The following CLIC4 variants were observed in gnomAD, a reference collection of about 807,000 sequenced individuals.
CLIC4 encodes the protein CLIC family member 4.
CLIC4 carries 13 observed loss-of-function variants against 24.6 expected under a neutral mutation model. The observed-to-expected ratio is 0.53, with a 90% CI of 0.34 to 0.84. The LOEUF (loss-of-function observed/expected upper bound fraction) is 0.84. Among genes scored for constraint, CLIC4 ranks in the 40% least tolerant of loss-of-function variants. The probability of loss-of-function intolerance (pLI) is 0.01; values close to 1 mark genes in which losing one functional copy is unlikely to be tolerated. For synonymous variants in CLIC4, 104 were observed against 111.3 expected, an observed-to-expected ratio of 0.93 and a Z score of 0.41; for missense variants, 227 against 301.7, an observed-to-expected ratio of 0.75 and a Z score of 1.83.
At chr1:24,766,065 G>A (rs990050687) in intron 1 of CLIC4, among the ~76,000 whole-genome samples, 3 of 151,440 alleles carry the variant, frequency 2.0e-5, no homozygotes, top group African/African-American at 4.9e-5. Flanking sequence ...GTGCAGTGGC[G>A]CGATCTCAGC....
chr1:24,830,466 T>TC (rs747786819), intron 4 of CLIC4, among the ~76,000 whole-genome samples: 5 of 152,120 alleles, frequency 3.3e-5, no homozygotes, highest in Non-Finnish European at 7.4e-5. Flanking sequence ...TTTTTTTTTT[T>TC]CTTCACTATA....
chr1:24,840,578 C>G (rs888644365), intron 5 of CLIC4, among the ~76,000 whole-genome samples, 195 bp from the exon 6 acceptor site: 2 of 152,198 alleles, frequency 1.3e-5, no homozygotes, highest in Non-Finnish European at 2.9e-5. Flanking sequence ...TGTCACACTT[C>G]TAAATCCCTG....
chr1:24,786,167 C>T (rs1468040887), intron 1 of CLIC4, among the ~76,000 whole-genome samples: 2 of 152,158 alleles, frequency 1.3e-5, no homozygotes, highest in Non-Finnish European at 2.9e-5. Flanking sequence ...CTCTCTTCCC[C>T]TAGTCATCAC....
chr1:24,828,388 G>A (rs554889249), intron 4 of CLIC4, among the ~76,000 whole-genome samples: 3 of 151,804 alleles, frequency 2.0e-5, no homozygotes, highest in Admixed American at 6.6e-5. Context: ...CCTGACTAAT[G>A]TTTCTGTCTA....
chr1:24,798,472 A>G (rs1249672499), intron 2 of CLIC4, among the ~76,000 whole-genome samples: 3 of 152,288 alleles, frequency 2.0e-5, no homozygotes, highest in South Asian at 2.1e-4. Flanking sequence ...CTTATTTTCC[A>G]TAGTGGAGAG....
chr1:24,751,749 G>A (rs998739166), intron 1 of CLIC4, among the ~76,000 whole-genome samples: 18 of 152,122 alleles, frequency 1.2e-4, no homozygotes, highest in East Asian at 5.8e-4. Context: ...CTGTAATCCC[G>A]GCTACTCGGG....
rs1017897100 is a variant in CLIC4 at position 24,758,830 on chromosome 1, C to T, written c.72+13205C>T. On this transcript the variant is annotated intron_variant, in intron 1 of 5. Coordinates refer to ENST00000374379, the MANE Select transcript of CLIC4 (RefSeq NM_013943.3). The stretch of plus-strand genomic sequence containing the variant: ...TTTTATTTTTATTTTTTTATTTTTG[C>T]TTGCATGAATTATTGAGAATTTATA... 4.6e-5 allele frequency among the ~76,000 whole-genome samples: 7 copies of T among 151,344 alleles called. No homozygotes were observed. In the East Asian group the frequency reaches 7.8e-4, roughly 17 times the overall value.
chr1:24,805,101 AAAAAC>A (rs935769492), intron 2 of CLIC4, among the ~76,000 whole-genome samples: 9 of 144,620 alleles, frequency 6.2e-5, no homozygotes, highest in South Asian at 2.3e-4. Flanking sequence ...AAAAAAAAAA[AAAAAC>A]ACAAAAACAA....
At chr1:24,766,319 A>T (rs1638995123) in intron 1 of CLIC4, among the ~76,000 whole-genome samples, 1 of 151,128 alleles carries the variant, frequency 6.6e-6, no homozygotes, top group Admixed American at 6.6e-5. Flanking sequence ...TTTAATAGAG[A>T]CAGGGTTTCA....
intron 2 of CLIC4, among the ~76,000 whole-genome samples, chr1:24,802,973 T>A (rs1175713236): frequency 1.3e-5 from 2 of 152,186 alleles, no homozygotes; most frequent in Non-Finnish European, 2.9e-5. Flanking sequence ...TCTCCCAAAG[T>A]GCTGGGATTA....
intron 1 of CLIC4, among the ~76,000 whole-genome samples, chr1:24,785,854 CAAAAAA>C (rs61009244): frequency 5.1e-5 from 3 of 58,852 alleles, no homozygotes; most frequent in Non-Finnish European, 8.6e-5. Flanking sequence ...GACTACAACT[CAAAAAA>C]AAAAAAAAAA....
chr1:24,807,423 G>A (rs1171956915), intron 2 of CLIC4, among the ~76,000 whole-genome samples: 1 of 152,088 alleles, frequency 6.6e-6, no homozygotes, highest in African/African-American at 2.4e-5. Context: ...ATGGAGCAAT[G>A]GTGAGCACAC....
rs892766368 is a variant in CLIC4 at position 24,746,368 on chromosome 1, A to G, written c.72+743A>G. On this transcript the variant is annotated intron_variant, in intron 1 of 5. Coordinates refer to ENST00000374379, the MANE Select transcript of CLIC4 (RefSeq NM_013943.3). The stretch of plus-strand genomic sequence containing the variant: ...CTTTTGTTTTGAAAGAAATTGAGGG[A>G]GAGAATTCTTAACTTGCTTGGGCTT... Among the ~76,000 whole-genome samples, 11 of 152,254 alleles carry G rather than the reference A, an allele frequency of 7.2e-5. No individual in the cohort carries two copies. In the East Asian group the frequency reaches 2.1e-3, roughly 29 times the overall value.
chr1:24,822,211 G>A (rs1329392987), intron 3 of CLIC4, among the ~76,000 whole-genome samples: 1 of 152,142 alleles, frequency 6.6e-6, no homozygotes, highest in Non-Finnish European at 1.5e-5. Context: ...AATTGGGATT[G>A]TGCTTTAATG....
At chr1:24,771,791 C>A in intron 1 of CLIC4, 1 of 500,782 alleles carries the variant, frequency 2.0e-6, no homozygotes, top group Non-Finnish European at 4.0e-6. Context: ...TTGGTCTAAA[C>A]CTAACAGATT....
rs1160710303 is a variant in CLIC4, at chr1:24,800,350, G to A, written c.182+2499G>A. Among the ~76,000 whole-genome samples, 8 of 130,684 alleles carry A rather than the reference G, an allele frequency of 6.1e-5. No individual in the cohort carries two copies. In the South Asian group the frequency reaches 1.6e-3, roughly 25 times the overall value. The allele number at this position is 130,684 out of a possible 152,430, so 85.7% of individuals were successfully genotyped here. Reference sequence around the variant, plus strand: ...CCCCGTCCGGGAGGGAGGTGGGGGGGTCAGCCCCCCACCCGGCCAGCCGCC... The same window carrying A: ...CCCCGTCCGGGAGGGAGGTGGGGGGATCAGCCCCCCACCCGGCCAGCCGCC... On this transcript the variant is annotated intron_variant, in intron 2 of 5. Coordinates refer to ENST00000374379, the MANE Select transcript of CLIC4 (RefSeq NM_013943.3).
At chr1:24,804,943 T>C (rs982782809) in intron 2 of CLIC4, among the ~76,000 whole-genome samples, 7 of 151,674 alleles carry the variant, frequency 4.6e-5, no homozygotes, top group Admixed American at 2.0e-4. Context: ...CTACTAAAAA[T>C]ACAAAAATTA....
At chr1:24,820,509 C>G (rs969596093) in intron 3 of CLIC4, among the ~76,000 whole-genome samples, 1 of 151,904 alleles carries the variant, frequency 6.6e-6, no homozygotes, top group Non-Finnish European at 1.5e-5. Context: ...ATCAGTCCTC[C>G]TGCCTCAGCC....
At chr1:24,804,205 C>T (rs1639520545) in intron 2 of CLIC4, among the ~76,000 whole-genome samples, 1 of 152,016 alleles carries the variant, frequency 6.6e-6, no homozygotes, top group Non-Finnish European at 1.5e-5. Flanking sequence ...TCATCTATTT[C>T]CTGCTGCTGT....
Sources: gnomAD v4.1 joint callset for allele counts (sites outside exome capture counted in the v4.1 genomes callset) on GRCh38, gnomAD v4.1.1 for gene constraint, MANE v1.5 for transcripts, NCBI Gene and HGNC (gene_info 2026-07-23, HGNC 2026-07-21) for gene names.